ITGB6: variants seen among roughly 807,000 people sequenced by gnomAD.
The protein encoded by ITGB6 is integrin subunit beta 6.
In ITGB6, 80 loss-of-function variants were observed where a neutral mutation model predicts 84.5. That is an observed-to-expected ratio of 0.95 (90% CI 0.79 to 1.14). The LOEUF (loss-of-function observed/expected upper bound fraction) is 1.14. Ranked by LOEUF, ITGB6 falls within the 50% of genes most tolerant of loss-of-function variation. ITGB6 has a pLI of 0.00. For synonymous variants in ITGB6, 383 were observed against 354.9 expected (o/e 1.08, Z -0.89); for missense variants, 1,006 against 968.0 (o/e 1.04, Z -0.52).
At chr2:160,104,275 G>C (rs1202602962) in intron 14 of ITGB6, among the ~76,000 whole-genome samples, 1 of 152,202 alleles carries the variant, frequency 6.6e-6, no homozygotes, top group East Asian at 1.9e-4. Context: ...CTGAAGATCA[G>C]AGGTCAGGAT....
chr2:160,138,769 A>G (rs1296324989), intron 8 of ITGB6, among the ~76,000 whole-genome samples: 2 of 152,242 alleles, frequency 1.3e-5, no homozygotes, highest in Non-Finnish European at 2.9e-5. Flanking sequence ...CTGTTTTGGT[A>G]CATTTCTGCA....
chr2:160,178,295 G>C (rs963551075), intron 4 of ITGB6, among the ~76,000 whole-genome samples: 1 of 152,226 alleles, frequency 6.6e-6, no homozygotes, highest in Non-Finnish European at 1.5e-5. Flanking sequence ...GAGATAAAAA[G>C]TATGTAATCA....
At chr2:160,184,661 G>T (rs1296533506) in intron 4 of ITGB6, among the ~76,000 whole-genome samples, 1 of 152,050 alleles carries the variant, frequency 6.6e-6, no homozygotes, top group Non-Finnish European at 1.5e-5. Flanking sequence ...CACAAGCCTG[G>T]CAGAGACACA....
chr2:160,155,940 A>G (rs945272392), intron 7 of ITGB6, among the ~76,000 whole-genome samples: 1 of 152,234 alleles, frequency 6.6e-6, no homozygotes, highest in Non-Finnish European at 1.5e-5. Flanking sequence ...ATGCTCTCAT[A>G]CACTTGTAGT....
chr2:160,178,277 G>A lies in ITGB6; in HGVS notation c.594-4138C>T, dbSNP rs189383278. Among the ~76,000 whole-genome samples the A allele has an allele frequency of 2.6e-4, 39 of 152,326 alleles. No homozygotes were observed. The East Asian group carries it at 6.7e-3, about 26-fold the overall frequency. ...ATCTATTTCACAAAGTTGCCATGAC[G>A]ATTATATGAGATAAAAAGTATGTAA... On this transcript the variant is annotated intron_variant, in intron 4 of 14. Coordinates refer to ENST00000283249, the MANE Select transcript of ITGB6 (RefSeq NM_000888.5).
At chr2:160,162,107 CT>C (rs1206223747) in intron 7 of ITGB6, among the ~76,000 whole-genome samples, 2 of 152,126 alleles carry the variant, frequency 1.3e-5, no homozygotes, top group African/African-American at 4.8e-5. Flanking sequence ...GTTTTAATAC[CT>C]GGCAGATGAA....
In ITGB6 at chr2:160,137,437, C is replaced by T. The variant is rs188076755; in HGVS notation, c.1657G>A (p.Gly553Arg). Reference protein sequence around the residue: ...SCVRHKGLLCGGNGDCDCGEC... With the variant: ...SCVRHKGLLCRGNGDCDCGEC... ...GATGGATTTCAACATAGCCTACCTC[C>T]GCAGAGCAGCCCTTTGTGTCTCACG... The change falls in exon 10 of 15, where the codon GGA becomes AGA. Residue 553 changes from glycine to arginine, a missense_variant. Physicochemically the swap from Gly to Arg is moderately radical, Grantham distance 125. Transcript: ENST00000283249. The T allele has an allele frequency of 2.8e-5, 45 of 1,605,830 alleles. No homozygotes were observed. Among genetic ancestry groups the T allele is most frequent in the East Asian group, 2.2e-4 (10 of 44,758 alleles).
At chr2:160,147,352 G>A (rs1684236977) in intron 7 of ITGB6, among the ~76,000 whole-genome samples, 1 of 151,894 alleles carries the variant, frequency 6.6e-6, no homozygotes, top group Non-Finnish European at 1.5e-5. Context: ...TCTTAAGTAG[G>A]ATAGAAAAAG....
At chr2:160,118,343 T>A (rs1682875641) in intron 12 of ITGB6, among the ~76,000 whole-genome samples, 1 of 152,232 alleles carries the variant, frequency 6.6e-6, no homozygotes, top group South Asian at 2.1e-4. Flanking sequence ...ATCCCTGGGA[T>A]GCAAGGCTGA....
intron 13 of ITGB6, among the ~76,000 whole-genome samples, chr2:160,108,320 A>C (rs1293100621): frequency 3.3e-5 from 5 of 151,960 alleles, no homozygotes; most frequent in Non-Finnish European, 5.9e-5. Context: ...CTATATTAAA[A>C]GTTATATAAA....
chr2:160,171,422 C>T (rs923223977), intron 6 of ITGB6, among the ~76,000 whole-genome samples: 4 of 151,332 alleles, frequency 2.6e-5, no homozygotes, highest in African/African-American at 9.7e-5. Context: ...GCAAGCTGCG[C>T]CTCCTGGGTT....
intron 11 of ITGB6, among the ~76,000 whole-genome samples, chr2:160,124,801 C>G (rs1382349060): frequency 6.6e-6 from 1 of 152,192 alleles, no homozygotes; most frequent in African/African-American, 2.4e-5. Context: ...AAACCTTAGA[C>G]CAATCAGTTC....
chr2:160,183,018 G>GTA (rs532230270), intron 4 of ITGB6, among the ~76,000 whole-genome samples: 47 of 152,232 alleles, frequency 3.1e-4, no homozygotes, highest in African/African-American at 1.1e-3. Context: ...GGAAAAACTG[G>GTA]TACCAGCCAC....
intron 10 of ITGB6, among the ~76,000 whole-genome samples, chr2:160,135,413 C>A (rs35442713): frequency 7.4e-6 from 1 of 135,822 alleles, no homozygotes; most frequent in Non-Finnish European, 1.6e-5. Flanking sequence ...AGGATACAAA[C>A]AAATGGAAGA....
chr2:160,199,359 A>C, intron 1 of ITGB6, 101 bp from the exon 2 acceptor site: 1 of 807,622 alleles, frequency 1.2e-6, no homozygotes, highest in South Asian at 1.7e-5. Context: ...ACAACATCAA[A>C]GTTTAGTTTA....
intron 4 of ITGB6, among the ~76,000 whole-genome samples, chr2:160,178,098 C>G (rs1685503789): frequency 6.6e-6 from 1 of 152,210 alleles, no homozygotes; most frequent in Admixed American, 6.5e-5. Flanking sequence ...TGGTCTCGAG[C>G]TCCTGACCTC....
intron 10 of ITGB6, among the ~76,000 whole-genome samples, chr2:160,136,661 A>G (rs1029773492): frequency 7.2e-5 from 11 of 152,228 alleles, no homozygotes; most frequent in Non-Finnish European, 1.2e-4. Context: ...CAAATGTCCA[A>G]CAATGATAGA....
chr2:160,174,038 A>C lies in ITGB6; in HGVS notation c.695T>G (p.Ile232Ser), dbSNP rs543211346. The change falls in exon 5 of 15, where the codon ATT (isoleucine) becomes AGT (serine). Residue 232 changes from isoleucine (I) to serine (S), a missense_variant. Coordinates refer to ENST00000283249, the MANE Select transcript of ITGB6 (RefSeq NM_000888.5). ...RFNEIVKNQK[I>S]SANIDTPEGG... ...TTCGGGTGTGTCAATATTAGCAGAA[A>C]TTTTCTGATTCTTCACAATTTCATT... 6.2e-7 allele frequency: 1 copy of C among 1,613,542 alleles called. No homozygotes were observed. Among genetic ancestry groups the C allele is most frequent in the East Asian group, 2.2e-5 (1 of 44,852 alleles).
chr2:160,186,885 G>A (rs1315107648), intron 4 of ITGB6, among the ~76,000 whole-genome samples: 1 of 150,652 alleles, frequency 6.6e-6, no homozygotes, highest in Non-Finnish European at 1.5e-5. Context: ...AACAGTGCAT[G>A]TTCTCACTCG....
Sources: gnomAD v4.1 joint callset for allele counts (sites outside exome capture counted in the v4.1 genomes callset) on GRCh38, gnomAD v4.1.1 for gene constraint, MANE v1.5 for transcripts, NCBI Gene and HGNC (gene_info 2026-07-23, HGNC 2026-07-21) for gene names.